SPAG9: variants seen among roughly 807,000 people sequenced by gnomAD.
SPAG9 encodes C-Jun-amino-terminal kinase-interacting protein 4.
Under a neutral mutation model 166.5 loss-of-function variants are expected in SPAG9, and 35 were observed. The ratio of observed to expected loss-of-function variants is 0.21; its 90% confidence interval spans 0.16 to 0.28. The LOEUF is 0.28. Ranked by LOEUF, SPAG9 falls within the 10% of genes least tolerant of loss-of-function variation. SPAG9 has a pLI of 1.00. For missense variants in SPAG9, 1,235 were observed against 1,603.3 expected (o/e 0.77, Z 3.92); for synonymous variants, 534 against 565.5 (o/e 0.94, Z 0.79).
chr17:51,000,457 G>A (rs1180764812), intron 13 of SPAG9, among the ~76,000 whole-genome samples: 1 of 152,148 alleles, frequency 6.6e-6, no homozygotes, highest in African/African-American at 2.4e-5. Context: ...AGTCCAGTTG[G>A]GCACAGTGGC....
At position 50,962,371 on chromosome 17, in the gene SPAG9, A is replaced by C. The variant is rs993293337; in HGVS notation, c.*3901T>G. On this transcript the variant is annotated 3_prime_UTR_variant, in exon 30 of 30. Transcript: ENST00000262013. ...ATTTTTCAGATTATAGAGGCAAGTA[A>C]AATTCTGATAGAATGTCTTGGACAA... The C allele has an allele frequency of 4.6e-5, 7 of 152,226 alleles. No homozygotes were observed. The highest frequency in any genetic ancestry group is 1.7e-4 in the African/African-American group (7 of 41,454). 9.4% of individuals were successfully genotyped at this position (152,226 alleles called of 1,614,324 possible).
At position 51,054,445 on chromosome 17, in the gene SPAG9, T is replaced by C. The variant is rs2047302936; in HGVS notation, c.495+1967A>G. On this transcript the variant is annotated intron_variant, in intron 3 of 29. Coordinates refer to ENST00000262013, the MANE Select transcript of SPAG9 (RefSeq NM_001130528.3). ...GCCAAAATGTGGGTTTTTTTGGCTT[T>C]TTTTTTTTTGAGACGGAGTCTCGCT... 2.0e-5 allele frequency among the ~76,000 whole-genome samples: 3 copies of C among 150,662 alleles called. No homozygotes were observed. The South Asian group carries it at 6.3e-4, about 32-fold the overall frequency.
intron 5 of SPAG9, among the ~76,000 whole-genome samples, chr17:51,035,464 T>C (rs1436251325): frequency 6.6e-6 from 1 of 152,204 alleles, no homozygotes; most frequent in Non-Finnish European, 1.5e-5. Context: ...CAAATAACAA[T>C]AGATATGATT....
chr17:50,998,311 T>C, intron 15 of SPAG9, 133 bp downstream of exon 15: 3 of 760,806 alleles, frequency 3.9e-6, no homozygotes, highest in Non-Finnish European at 6.1e-6. Flanking sequence ...ATTACAGGTG[T>C]GAGCCACCGT....
intron 3 of SPAG9, among the ~76,000 whole-genome samples, chr17:51,055,010 T>C (rs1288809863): frequency 6.6e-6 from 1 of 152,148 alleles, no homozygotes; most frequent in Non-Finnish European, 1.5e-5. Context: ...TTTCTGTTCC[T>C]TAAAAGCAAT....
intron 5 of SPAG9, among the ~76,000 whole-genome samples, chr17:51,033,273 A>G (rs116264903): frequency 5.5e-4 from 84 of 151,586 alleles, no homozygotes; most frequent in African/African-American, 1.6e-3. Flanking sequence ...CTCTCTCTAT[A>G]TAAAAGTAGA....
intron 1 of SPAG9, among the ~76,000 whole-genome samples, chr17:51,104,298 A>G (rs2048880945): frequency 6.6e-6 from 1 of 152,178 alleles, no homozygotes; most frequent in South Asian, 2.1e-4. Context: ...TCACCACTGT[A>G]TGCCCAATGA....
At chr17:51,067,132 A>C (rs2047695560) in intron 2 of SPAG9, among the ~76,000 whole-genome samples, 2 of 152,238 alleles carry the variant, frequency 1.3e-5, no homozygotes. Context: ...CATATAATAC[A>C]TAGAAAATAT....
intron 8 of SPAG9, among the ~76,000 whole-genome samples, chr17:51,018,443 C>T (rs892155641): frequency 6.6e-6 from 1 of 152,136 alleles, no homozygotes; most frequent in Non-Finnish European, 1.5e-5. Flanking sequence ...CAAAATGAGA[C>T]TAATTTCTTC....
At chr17:51,109,104 C>A (rs549684164) in intron 1 of SPAG9, among the ~76,000 whole-genome samples, 3 of 151,750 alleles carry the variant, frequency 2.0e-5, no homozygotes, top group African/African-American at 4.8e-5. Context: ...TCAGGTGATC[C>A]GCCCGCCTCA....
rs1030625748 is a variant in SPAG9 at position 50,963,985 on chromosome 17, C to T, written c.*2287G>A. 1 of 152,176 alleles carries T rather than the reference C, an allele frequency of 6.6e-6. No individual in the cohort carries two copies. Among genetic ancestry groups the T allele is most frequent in the Non-Finnish European group, 1.5e-5 (1 of 68,040 alleles). 9.4% of individuals were successfully genotyped at this position (152,176 alleles called of 1,614,324 possible). The stretch of plus-strand genomic sequence containing the variant: ...AACAGTTTTAATACATGAGTGGCTA[C>T]AATTTTATTGTGTACACAATGTGCT... On this transcript the variant is annotated 3_prime_UTR_variant, in exon 30 of 30. Coordinates refer to ENST00000262013, the MANE Select transcript of SPAG9 (RefSeq NM_001130528.3).
intron 2 of SPAG9, among the ~76,000 whole-genome samples, chr17:51,077,471 C>T (rs752662904): frequency 2.0e-5 from 3 of 152,006 alleles, no homozygotes; most frequent in South Asian, 2.1e-4. Context: ...TAAACATTAC[C>T]TCCAATAGTT....
chr17:50,985,818 A>G, intron 22 of SPAG9, 40 bp from the exon 23 acceptor site: 1 of 1,149,604 alleles, frequency 8.7e-7, no homozygotes, highest in Non-Finnish European at 1.3e-6. Context: ...CATAGAGAAC[A>G]TCAAGACATT....
At position 50,966,226 on chromosome 17, in the gene SPAG9, C is replaced by G; in HGVS notation, c.*46G>C. 1.8e-6 allele frequency: 2 copies of G among 1,107,732 alleles called. No individual in the cohort carries two copies. The highest frequency in any genetic ancestry group is 2.8e-6 in the Non-Finnish European group (2 of 719,542). 68.6% of individuals were successfully genotyped at this position (1,107,732 alleles called of 1,614,324 possible). ...ATAAAAGGATAGAGGGAAAATAAAC[C>G]ATGCAGAAGAGACGGCTTCCCCATC... On this transcript the variant is annotated 3_prime_UTR_variant, in exon 30 of 30. Coordinates refer to ENST00000262013, the MANE Select transcript of SPAG9 (RefSeq NM_001130528.3).
intron 2 of SPAG9, among the ~76,000 whole-genome samples, chr17:51,059,770 AAAAAC>A (rs2047453639): frequency 7.4e-6 from 1 of 135,234 alleles, no homozygotes; most frequent in South Asian, 2.3e-4. Flanking sequence ...CTCCATCTCA[AAAAAC>A]AAACAAACAA....
At position 50,977,248 on chromosome 17, in the gene SPAG9, T is replaced by C. The variant is rs200012177; in HGVS notation, c.3410-27A>G. On this transcript the variant is annotated intron_variant, in intron 26 of 29. Transcript: ENST00000262013. ...TGTAAAGAAAGGAGGGAACACGTTA[T>C]TGAGAAACTAAAGCAGACAGTGTTT... 457 of 1,368,154 alleles carry C rather than the reference T, an allele frequency of 3.3e-4. 2 individuals are homozygous for C. The East Asian group carries it at 3.5e-3, about 10-fold the overall frequency. The allele number at this position is 1,368,154 out of a possible 1,614,324, so 84.8% of individuals were successfully genotyped here.
intron 1 of SPAG9, among the ~76,000 whole-genome samples, chr17:51,117,208 C>T (rs796160756): frequency 6.6e-6 from 1 of 152,140 alleles, no homozygotes; most frequent in Non-Finnish European, 1.5e-5. Flanking sequence ...ATTTTTGATG[C>T]CTTGCTGAGA....
At chr17:51,107,120 A>G (rs908836611) in intron 1 of SPAG9, among the ~76,000 whole-genome samples, 1 of 152,038 alleles carries the variant, frequency 6.6e-6, no homozygotes, top group Non-Finnish European at 1.5e-5. Context: ...AAAAAAAGAA[A>G]AAGAACAGAG....
intron 2 of SPAG9, among the ~76,000 whole-genome samples, chr17:51,078,939 T>C (rs1417296523): frequency 6.6e-6 from 1 of 152,118 alleles, no homozygotes; most frequent in Non-Finnish European, 1.5e-5. Context: ...TGGAGCTTTG[T>C]GTACTTGATC....
Sources: gnomAD v4.1 joint callset for allele counts (sites outside exome capture counted in the v4.1 genomes callset) on GRCh38, gnomAD v4.1.1 for gene constraint, MANE v1.5 for transcripts, NCBI Gene and HGNC (gene_info 2026-07-23, HGNC 2026-07-21) for gene names.